Variants in PPA1 observed in about 807,000 individuals in gnomAD.
PPA1 encodes the protein inorganic pyrophosphatase.
Under a neutral mutation model 41.8 loss-of-function variants are expected in PPA1, and 23 were observed. That is an observed-to-expected ratio of 0.55 (90% confidence interval 0.40 to 0.78). The LOEUF is 0.78. PPA1 is among the 30% of genes least tolerant of loss of function. The pLI is 0.00. For synonymous variants in PPA1, 101 were observed against 116.8 expected (o/e 0.86, Z 0.87); for missense variants, 320 against 361.6 (o/e 0.89, Z 0.93).
At chr10:70,233,187 G>A in intron 1 of PPA1, 77 bp downstream of exon 1, 1 of 1,454,498 alleles carries the variant, frequency 6.9e-7, no homozygotes, top group Non-Finnish European at 9.2e-7. Flanking sequence ...AGCGCGGGCC[G>A]CACCCTCCCG....
In PPA1 at chr10:70,230,377, T is replaced by C. The variant is rs761756987; in HGVS notation, c.87A>G (p.Ile29Met). The C allele has an allele frequency of 1.9e-6, 3 of 1,612,588 alleles. No individual in the cohort carries two copies. The highest frequency in any genetic ancestry group is 2.5e-6 in the Non-Finnish European group (3 of 1,179,266). ...VFLKNEKGQY[I>M]SPFHDIPIYA... Reference sequence around the variant, plus strand: ...AAATTGGAATATCATGAAATGGAGATATATATTGTCCTTTCTCATTTTCTG... The same window carrying C: ...AAATTGGAATATCATGAAATGGAGACATATATTGTCCTTTCTCATTTTCTG... The change falls in exon 2 of 11, where the codon ATA (isoleucine) becomes ATG (methionine). Residue 29 changes from isoleucine (I) to methionine (M), a missense_variant. Physicochemically the swap from Ile to Met is conservative, Grantham distance 10. Coordinates refer to ENST00000373232, the MANE Select transcript of PPA1 (RefSeq NM_021129.4).
chr10:70,206,007 A>G (rs1272526006), intron 9 of PPA1: 1 of 446,624 alleles, frequency 2.2e-6, no homozygotes, highest in East Asian at 3.7e-5. Context: ...TACATTCTGG[A>G]ACCATTCTGA....
chr10:70,203,000 T>A lies in PPA1; in HGVS notation c.*155A>T. 1.4e-6 allele frequency: 1 copy of A among 739,246 alleles called. No individual in the cohort carries two copies. Among genetic ancestry groups the A allele is most frequent in the Non-Finnish European group, 2.3e-6 (1 of 436,512 alleles). The allele number at this position is 739,246 out of a possible 1,614,324, so 45.8% of individuals were successfully genotyped here. Reference sequence around the variant, plus strand: ...AGATATGAAAAATGCTTTAGATGGATAACATTCTGAGTATATTGGATTAGT... The same window carrying A: ...AGATATGAAAAATGCTTTAGATGGAAAACATTCTGAGTATATTGGATTAGT... On this transcript the variant is annotated 3_prime_UTR_variant, in exon 11 of 11. Coordinates refer to ENST00000373232, the MANE Select transcript of PPA1 (RefSeq NM_021129.4).
At chr10:70,218,561 G>A in intron 3 of PPA1, 2 of 538,160 alleles carry the variant, frequency 3.7e-6, no homozygotes, top group South Asian at 5.0e-5. Flanking sequence ...GGGAAGAAAA[G>A]TTTGGGGCAT....
chr10:70,219,554 C>CTTCATTA (rs1274914251), intron 2 of PPA1, among the ~76,000 whole-genome samples: 3 of 152,176 alleles, frequency 2.0e-5, no homozygotes, highest in African/African-American at 7.2e-5. Flanking sequence ...AACTCATCAG[C>CTTCATTA]TTCATTATCC....
At chr10:70,229,430 G>A (rs986268734) in intron 2 of PPA1, among the ~76,000 whole-genome samples, 1 of 152,176 alleles carries the variant, frequency 6.6e-6, no homozygotes, top group African/African-American at 2.4e-5. Flanking sequence ...CTATTCTGGT[G>A]TATACAGTTG....
intron 2 of PPA1, among the ~76,000 whole-genome samples, chr10:70,220,817 ATATAT>A (rs1840144423): frequency 2.2e-5 from 1 of 45,188 alleles, no homozygotes; most frequent in African/African-American, 9.7e-5. Context: ...TAATTTTTAT[ATATAT>A]TATATATATA....
At chr10:70,219,032 T>C (rs1840107036) in intron 2 of PPA1, among the ~76,000 whole-genome samples, 1 of 152,200 alleles carries the variant, frequency 6.6e-6, no homozygotes, top group Non-Finnish European at 1.5e-5. Context: ...GGTCAGTATA[T>C]GATTGCTTAC....
At chr10:70,214,220 T>C (rs1840052678) in intron 5 of PPA1, among the ~76,000 whole-genome samples, 1 of 152,210 alleles carries the variant, frequency 6.6e-6, no homozygotes, top group African/African-American at 2.4e-5. Context: ...CTTTCACCTA[T>C]TGACTAATTA....
intron 8 of PPA1, among the ~76,000 whole-genome samples, chr10:70,207,411 A>G (rs1839958191): frequency 1.3e-5 from 2 of 152,184 alleles, no homozygotes; most frequent in South Asian, 4.1e-4. Flanking sequence ...TCGCATCTGT[A>G]GTCTAAGCAC....
chr10:70,214,783 A>C (rs1347994312), intron 4 of PPA1, among the ~76,000 whole-genome samples, 197 bp from the exon 5 acceptor site: 1 of 152,180 alleles, frequency 6.6e-6, no homozygotes, highest in East Asian at 1.9e-4. Flanking sequence ...TCTAATGCTA[A>C]ACTAAATTTA....
chr10:70,217,085 G>A (rs1840089451), intron 4 of PPA1, among the ~76,000 whole-genome samples: 1 of 151,816 alleles, frequency 6.6e-6, no homozygotes, highest in Non-Finnish European at 1.5e-5. Context: ...GAACCTGGGA[G>A]ACGGAGCTTT....
At chr10:70,211,818 C>T (rs1419027745) in intron 6 of PPA1, among the ~76,000 whole-genome samples, 3 of 152,290 alleles carry the variant, frequency 2.0e-5, no homozygotes, top group Admixed American at 6.5e-5. Flanking sequence ...AATGCACACA[C>T]GGACCAACAG....
chr10:70,218,024 C>T (rs573807317), intron 3 of PPA1, 93 bp from the exon 4 acceptor site: 29 of 1,129,970 alleles, frequency 2.6e-5, no homozygotes, highest in Middle Eastern at 4.3e-4. Flanking sequence ...ACCTATGTTC[C>T]CTAATTCCAC....
At chr10:70,221,687 G>A (rs1278845097) in intron 2 of PPA1, among the ~76,000 whole-genome samples, 2 of 152,160 alleles carry the variant, frequency 1.3e-5, no homozygotes, top group Non-Finnish European at 2.9e-5. Flanking sequence ...GTTTCCAGCA[G>A]CAGTACCCTA....
At chr10:70,210,084 C>A in intron 6 of PPA1, 1 of 262,294 alleles carries the variant, frequency 3.8e-6, no homozygotes, top group Non-Finnish European at 7.4e-6. Flanking sequence ...CAGAGGTTAT[C>A]TTTTTTTTTT....
chr10:70,233,241 G>A lies in PPA1; in HGVS notation c.64+23C>T, dbSNP rs1316136649. ...ATGAATGGGCGGACGGGCGCGGAGGGGCCACGGGCCGCAGACACTCACTGA... is the reference window on the plus strand; with the variant it reads ...ATGAATGGGCGGACGGGCGCGGAGGAGCCACGGGCCGCAGACACTCACTGA... On this transcript the variant is annotated intron_variant, in intron 1 of 10. Transcript: ENST00000373232. The A allele has an allele frequency of 2.6e-6, 4 of 1,530,898 alleles. No individual in the cohort carries two copies. In the East Asian group the frequency reaches 7.8e-5, roughly 30 times the overall value. 94.8% of individuals were successfully genotyped at this position (1,530,898 alleles called of 1,614,324 possible). A position where few individuals can be genotyped will look rare whatever the true frequency, so the allele number is the denominator to read the frequency against.
intron 1 of PPA1, among the ~76,000 whole-genome samples, chr10:70,231,701 G>A (rs1452662043): frequency 6.6e-6 from 1 of 152,202 alleles, no homozygotes; most frequent in Non-Finnish European, 1.5e-5. Flanking sequence ...TTCTATTAAG[G>A]AAGGATAAAG....
intron 10 of PPA1, among the ~76,000 whole-genome samples, chr10:70,203,436 T>C (rs1397761256): frequency 6.6e-6 from 1 of 152,132 alleles, no homozygotes; most frequent in Non-Finnish European, 1.5e-5. Flanking sequence ...AGGGTCTCAC[T>C]CTCTTGCCCA....
Sources: gnomAD v4.1 joint callset for allele counts (sites outside exome capture counted in the v4.1 genomes callset) on GRCh38, gnomAD v4.1.1 for gene constraint, MANE v1.5 for transcripts, NCBI Gene and HGNC (gene_info 2026-07-23, HGNC 2026-07-21) for gene names.